MGA: variants seen among roughly 807,000 people sequenced by gnomAD.
MGA encodes MAX gene-associated protein.
In MGA, 40 loss-of-function variants were observed where a neutral mutation model predicts 261.1. That is an observed-to-expected ratio of 0.15 (90% CI 0.12 to 0.20). The LOEUF is 0.20. Ranked by LOEUF, MGA falls within the 10% of genes least tolerant of loss-of-function variation. MGA has a pLI of 1.00. For synonymous variants in MGA, 1,302 were observed against 1,290.6 expected, an observed-to-expected ratio of 1.01 and a Z score of -0.19; for missense variants, 3,397 against 3,630.5, an observed-to-expected ratio of 0.94 and a Z score of 1.65.
intron 11 of MGA, among the ~76,000 whole-genome samples, chr15:41,733,973 T>C (rs1188357147): frequency 6.6e-6 from 1 of 151,014 alleles, no homozygotes; most frequent in Admixed American, 6.6e-5. Context: ...TGAAGTGCAG[T>C]GGCATGGTCT....
At position 41,766,089 on chromosome 15, in the gene MGA, CAAAT is replaced by C; in HGVS notation, c.8009_8012del (p.Lys2670IlefsTer14). ...GAGGTTTGGTAGATATGGGTGGCAGCAAATATCCTCATGAAGTTCCTGATAGCAA... is the reference window on the plus strand; with the variant it reads ...GAGGTTTGGTAGATATGGGTGGCAGCATCCTCATGAAGTTCCTGATAGCAA... On this transcript the variant is annotated frameshift_variant, in exon 24 of 24. Transcript: ENST00000219905. LOFTEE classifies it high-confidence loss of function. 1 of 1,613,848 alleles carries C rather than the reference CAAAT, an allele frequency of 6.2e-7. No individual in the cohort carries two copies. Among genetic ancestry groups the C allele is most frequent in the Non-Finnish European group, 8.5e-7 (1 of 1,179,840 alleles).
intron 8 of MGA, among the ~76,000 whole-genome samples, chr15:41,711,678 C>A (rs1424280876): frequency 6.6e-6 from 1 of 152,104 alleles, no homozygotes; most frequent in Non-Finnish European, 1.5e-5. Context: ...CTTGTTAAAA[C>A]AACTTTGAAA....
Position 41,768,555 on chromosome 15 carries a change from A to G in MGA, c.*1275A>G, listed in dbSNP as rs1596046846. ...AACTCCTAGGGGGTCAAGAATCACT[A>G]TTCTGAAACTGTATAGACTGGGATT... On this transcript the variant is annotated 3_prime_UTR_variant, in exon 24 of 24. Coordinates refer to ENST00000219905, the MANE Select transcript of MGA (RefSeq NM_001164273.2). 5 of 152,742 alleles carry G rather than the reference A, an allele frequency of 3.3e-5. No individual in the cohort carries two copies. The South Asian group carries it at 1.0e-3, about 32-fold the overall frequency. 9.5% of individuals were successfully genotyped at this position (152,742 alleles called of 1,614,324 possible).
At chr15:41,702,775 T>G (rs1187326905) in intron 5 of MGA, among the ~76,000 whole-genome samples, 6 of 152,244 alleles carry the variant, frequency 3.9e-5, no homozygotes, top group African/African-American at 1.4e-4. Flanking sequence ...GTCTGTTAGC[T>G]TATCTGAAAT....
intron 1 of MGA, among the ~76,000 whole-genome samples, chr15:41,664,103 A>T (rs1177689510): frequency 6.6e-6 from 1 of 152,178 alleles, no homozygotes; most frequent in African/African-American, 2.4e-5. Context: ...CATTTTCATC[A>T]ACTAATGGAT....
chr15:41,750,376 C>G lies in MGA; in HGVS notation c.6769C>G (p.Pro2257Ala). ...TAATCCTTCAGCCTTCTCCATTGTT[C>G]CTAGGAGAGCTGCAAAAAGCAGCAG... The change falls in exon 17 of 24, where the codon CCT becomes GCT. Residue 2257 changes from proline (P) to alanine (A), a missense_variant. Pro to Ala is a conservative substitution (Grantham distance 27). Coordinates refer to ENST00000219905, the MANE Select transcript of MGA (RefSeq NM_001164273.2). 6.2e-7 allele frequency: 1 copy of G among 1,613,922 alleles called. No individual in the cohort carries two copies. The highest frequency in any genetic ancestry group is 8.5e-7 in the Non-Finnish European group (1 of 1,179,886).
Position 41,768,321 on chromosome 15 carries a change from A to G in MGA, c.*1041A>G, listed in dbSNP as rs1391963556. The G allele has an allele frequency of 1.3e-5, 2 of 152,668 alleles. No homozygotes were observed. Among genetic ancestry groups the G allele is most frequent in the African/African-American group, 4.8e-5 (2 of 41,446 alleles). The allele number at this position is 152,668 out of a possible 1,614,324, so 9.5% of individuals were successfully genotyped here. A position where few individuals can be genotyped will look rare whatever the true frequency, so the allele number is the denominator to read the frequency against. On this transcript the variant is annotated 3_prime_UTR_variant, in exon 24 of 24. Transcript: ENST00000219905. ...TTTTTTATCTGCAACCATGGATCCA[A>G]TGATCTGTAGAGCTTTTTCACTCAT...
At chr15:41,727,117 T>C in intron 9 of MGA, 63 bp from the exon 10 acceptor site, 1 of 1,304,190 alleles carries the variant, frequency 7.7e-7, no homozygotes, top group Non-Finnish European at 1.0e-6. Context: ...GTTTTGGCAG[T>C]GCCTCAGTAT....
At chr15:41,760,251 G>A in intron 19 of MGA, 72 bp from the exon 20 acceptor site, 2 of 1,425,044 alleles carry the variant, frequency 1.4e-6, no homozygotes, top group Non-Finnish European at 2.0e-6. Context: ...AAATAGGGCA[G>A]TGTCATTTGA....
intron 1 of MGA, among the ~76,000 whole-genome samples, chr15:41,651,327 C>T (rs1049525238): frequency 2.6e-5 from 4 of 152,098 alleles, no homozygotes; most frequent in African/African-American, 9.7e-5. Flanking sequence ...TTAATTTTGT[C>T]TCTTGTTTTG....
Position 41,688,180 on chromosome 15 carries a change from A to G in MGA, c.1065-7895A>G, listed in dbSNP as rs1179954217. Among the ~76,000 whole-genome samples, 5 of 152,072 alleles carry G rather than the reference A, an allele frequency of 3.3e-5. No homozygotes were observed. In the East Asian group the frequency reaches 9.6e-4, roughly 29 times the overall value. On this transcript the variant is annotated intron_variant, in intron 2 of 23. Transcript: ENST00000219905. ...AACATCTGCCTCCCGGGTTCAAGCG[A>G]TTCTCCTGCCTCAGCTTCCCAAGTA...
chr15:41,696,079 A>C lies in MGA; in HGVS notation c.1069A>C (p.Ile357Leu). The C allele has an allele frequency of 6.2e-7, 1 of 1,601,626 alleles. No individual in the cohort carries two copies. Among genetic ancestry groups the C allele is most frequent in the Non-Finnish European group, 8.5e-7 (1 of 1,173,580 alleles). The stretch of plus-strand genomic sequence containing the variant: ...CTTTCTCCTCTCTCTCTCCAGTCTT[A>C]TTGCCAGCAGTTTTGAAGATGACTC... Residue 357 changes from isoleucine (I) to leucine (L), a missense_variant, in exon 3 of 24, where the codon ATT becomes CTT. Physicochemically the swap from Ile to Leu is conservative, Grantham distance 5 (BLOSUM62 2). Around this residue, in one of 9 missense-constraint regions of MGA, gnomAD observed 563 missense variants for 563.6 expected, o/e 1.00. Transcript: ENST00000219905.
In MGA at chr15:41,749,724, A is replaced by G. The variant is rs376824764; in HGVS notation, c.6117A>G (p.Glu2039=). The change falls in exon 17 of 24, where the codon GAA becomes GAG. Residue 2039 remains glutamate (E), a synonymous_variant. Coordinates refer to ENST00000219905, the MANE Select transcript of MGA (RefSeq NM_001164273.2). ...ATTTGGATGAAGAATGCCTTCCAGA[A>G]GAAGGTTGTGCAACTGTCAAACCAT... is the stretch of plus-strand genomic sequence containing the variant. 98 of 1,613,878 alleles carry G rather than the reference A, an allele frequency of 6.1e-5. No homozygotes were observed. In the African/African-American group the frequency reaches 1.2e-3, roughly 20 times the overall value.
At chr15:41,666,851 G>A (rs2057770769) in intron 1 of MGA, among the ~76,000 whole-genome samples, 1 of 152,238 alleles carries the variant, frequency 6.6e-6, no homozygotes, top group African/African-American at 2.4e-5. Context: ...TCACAGGTGT[G>A]TGTATTTAAA....
chr15:41,730,292 A>C (rs1372387525), intron 11 of MGA, among the ~76,000 whole-genome samples: 2 of 152,048 alleles, frequency 1.3e-5, no homozygotes, highest in African/African-American at 4.8e-5. Flanking sequence ...ACAAAAAATT[A>C]GCCGGGTGTG....
chr15:41,696,202 G>C lies in MGA; in HGVS notation c.1192G>C (p.Glu398Gln), dbSNP rs1403178526. 5.0e-6 allele frequency: 8 copies of C among 1,613,804 alleles called. No individual in the cohort carries two copies. The highest frequency in any genetic ancestry group is 6.8e-6 in the Non-Finnish European group (8 of 1,179,890). Residue 398 changes from glutamate to glutamine, a missense_variant, in exon 3 of 24, where the codon GAA becomes CAA. This residue lies in a region of MGA where 563 missense variants were observed against 563.6 expected (regional missense o/e 1.00). Coordinates refer to ENST00000219905, the MANE Select transcript of MGA (RefSeq NM_001164273.2). ...TGACTACGAACTTGGTGAGTGCCCA[G>C]AAGGGGTCACTGTGAAACAGGAAGA...
intron 2 of MGA, among the ~76,000 whole-genome samples, chr15:41,687,737 G>A (rs1472835070): frequency 6.6e-6 from 1 of 152,182 alleles, no homozygotes. Context: ...TGTCTAGGGT[G>A]TCATCTGTTT....
chr15:41,729,313 A>T lies in MGA; in HGVS notation c.3807A>T (p.Ser1269=). 6.2e-7 allele frequency: 1 copy of T among 1,613,908 alleles called. No individual in the cohort carries two copies. Among genetic ancestry groups the T allele is most frequent in the Non-Finnish European group, 8.5e-7 (1 of 1,179,870 alleles). ...CTCCATCATTTCAGCAGCAAACTTCATGTCATTCTAGCCCTGAGAACCATA... is the reference window on the plus strand; with the variant it reads ...CTCCATCATTTCAGCAGCAAACTTCTTGTCATTCTAGCCCTGAGAACCATA... Residue 1269 remains serine, a synonymous_variant, in exon 11 of 24, where the codon TCA becomes TCT. Transcript: ENST00000219905.
At chr15:41,621,912 G>A (rs2056301608) in intron 1 of MGA, among the ~76,000 whole-genome samples, 1 of 152,160 alleles carries the variant, frequency 6.6e-6, no homozygotes, top group African/African-American at 2.4e-5. Flanking sequence ...CCTGCTCCGC[G>A]GTGAGCACAG....
Sources: allele counts gnomAD v4.1 joint callset (sites outside exome capture counted in the v4.1 genomes callset), GRCh38; gene constraint gnomAD v4.1.1; regional missense constraint gnomAD v4.1.1; transcripts MANE v1.5; gene names NCBI Gene and HGNC (gene_info 2026-07-23, HGNC 2026-07-21).